The following TEP1 variants were observed in gnomAD, a reference collection of about 807,000 sequenced individuals.
TEP1 encodes telomerase associated protein 1, also known as telomerase protein component 1.
A neutral mutation model predicts 306.3 loss-of-function variants in TEP1; 241 were observed. The observed-to-expected ratio is 0.79, with a 90% CI of 0.71 to 0.88. The LOEUF is 0.88. Among genes scored for constraint, TEP1 ranks in the 40% least tolerant of loss-of-function variants. The pLI, the probability that TEP1 is intolerant of heterozygous loss-of-function variation, is 0.00. For synonymous variants in TEP1, 1,289 were observed against 1,305.5 expected (o/e 0.99, Z 0.27); for missense variants, 3,051 against 3,276.1 (o/e 0.93, Z 1.68).
At chr14:20,409,817 G>A (rs552019817) in intron 1 of TEP1, among the ~76,000 whole-genome samples, 7 of 151,786 alleles carry the variant, frequency 4.6e-5, no homozygotes, top group South Asian at 4.2e-4. Context: ...TCAGGAGATC[G>A]AGACCATCCT....
intron 8 of TEP1, 22 bp from the exon 9 acceptor site, chr14:20,401,163 G>T (rs770021599): frequency 6.2e-7 from 1 of 1,612,596 alleles, no homozygotes. Flanking sequence ...TAAGAAAGAG[G>T]TCTATCATTT....
At chr14:20,398,066 T>C (rs1258931602) in intron 9 of TEP1, among the ~76,000 whole-genome samples, 1 of 151,750 alleles carries the variant, frequency 6.6e-6, no homozygotes, top group Admixed American at 6.6e-5. Context: ...AGTTTCTTAA[T>C]AATAATATTT....
At chr14:20,369,917 A>AGTTT in intron 51 of TEP1, 138 bp from the exon 52 acceptor site, 1 of 589,372 alleles carries the variant, frequency 1.7e-6, no homozygotes, top group Non-Finnish European at 2.8e-6. Flanking sequence ...CAAGTGCGCA[A>AGTTT]ATTTTTTTTT....
chr14:20,368,634 C>T, intron 54 of TEP1, 75 bp from the exon 55 acceptor site: 1 of 1,592,452 alleles, frequency 6.3e-7, no homozygotes, highest in Non-Finnish European at 8.6e-7. Context: ...CACATTAATG[C>T]CTTTTATTTA....
chr14:20,378,708 G>A (rs1337040348), intron 37 of TEP1, 46 bp downstream of exon 37: 18 of 1,601,700 alleles, frequency 1.1e-5, no homozygotes, highest in Non-Finnish European at 1.5e-5. Context: ...ACGAGGGTGA[G>A]TCATGGCTCA....
intron 39 of TEP1, 35 bp downstream of exon 39, chr14:20,377,989 C>G: frequency 6.2e-7 from 1 of 1,608,248 alleles, no homozygotes; most frequent in Non-Finnish European, 8.5e-7. Context: ...TGCTACTCCT[C>G]CTCACAACCC....
chr14:20,403,988 G>C, intron 5 of TEP1, 104 bp from the exon 6 acceptor site: 1 of 1,471,550 alleles, frequency 6.8e-7, no homozygotes, highest in Non-Finnish European at 9.2e-7. Flanking sequence ...AGAGTAGCGA[G>C]CAAGTTCCCA....
intron 18 of TEP1, among the ~76,000 whole-genome samples, chr14:20,387,525 C>T (rs1877298728): frequency 7.4e-6 from 1 of 135,766 alleles, no homozygotes; most frequent in Non-Finnish European, 1.6e-5. Context: ...GTACCCCAGA[C>T]TGGGCGACAC....
At position 20,382,368 on chromosome 14, in the gene TEP1, G is replaced by A. The variant is rs1365284737; in HGVS notation, c.4141-12C>T. Reference sequence around the variant, plus strand: ...AGTCTCTCAGACACCTAGGATGGCGGGAGGACAGCCTTGTTCAGTGCAGTG... The same window carrying A: ...AGTCTCTCAGACACCTAGGATGGCGAGAGGACAGCCTTGTTCAGTGCAGTG... On this transcript the variant is annotated splice_polypyrimidine_tract_variant and intron_variant, in intron 28 of 54. Coordinates refer to ENST00000262715, the MANE Select transcript of TEP1 (RefSeq NM_007110.5). 6.2e-7 allele frequency: 1 copy of A among 1,600,396 alleles called. No individual in the cohort carries two copies. Among genetic ancestry groups the A allele is most frequent in the Non-Finnish European group, 8.5e-7 (1 of 1,173,280 alleles).
chr14:20,403,325 G>T (rs1878907929), intron 7 of TEP1, 52 bp downstream of exon 7: 2 of 1,599,360 alleles, frequency 1.3e-6, no homozygotes, highest in Admixed American at 3.5e-5. Flanking sequence ...GTAAATATTA[G>T]TCCAGAAGAG....
At chr14:20,397,838 CTGATTCCTGGAT>C (rs1201919350) in intron 9 of TEP1, among the ~76,000 whole-genome samples, 1 of 152,032 alleles carries the variant, frequency 6.6e-6, no homozygotes, top group Non-Finnish European at 1.5e-5. Context: ...ACTGCAACCT[CTGATTCCTGGAT>C]TCAAGCAATT....
At position 20,406,284 on chromosome 14, in the gene TEP1, T is replaced by C. The variant is rs761449081; in HGVS notation, c.684A>G (p.Gly228=). The part of the protein sequence containing the change: ...VEDLAVKLTS[G]DSESHPEPTD... Reference sequence around the variant, plus strand: ...TAGGCTCTGGATGAGATTCAGAGTCTCCAGAGGTGAGCTTCACGGCCAGAT... The same window carrying C: ...TAGGCTCTGGATGAGATTCAGAGTCCCCAGAGGTGAGCTTCACGGCCAGAT... The change falls in exon 3 of 55, where the codon GGA becomes GGG. Residue 228 remains glycine, a synonymous_variant. Transcript: ENST00000262715. 1.9e-5 allele frequency: 31 copies of C among 1,613,956 alleles called. No homozygotes were observed. The highest frequency in any genetic ancestry group is 2.6e-5 in the Non-Finnish European group (31 of 1,180,012).
Position 20,377,759 on chromosome 14 carries a change from A to T in TEP1, c.5722-6T>A. On this transcript the variant is annotated splice_region_variant and splice_polypyrimidine_tract_variant and intron_variant, in intron 39 of 54. Transcript: ENST00000262715. Reference sequence around the variant, plus strand: ...GACCCTGACCACACCTGAACCTGGGAACCAAGAAAAGGGCTTAAGGATACC... The same window carrying T: ...GACCCTGACCACACCTGAACCTGGGTACCAAGAAAAGGGCTTAAGGATACC... 6.2e-7 allele frequency: 1 copy of T among 1,612,888 alleles called. No homozygotes were observed. Among genetic ancestry groups the T allele is most frequent in the Non-Finnish European group, 8.5e-7 (1 of 1,179,782 alleles).
Position 20,369,480 on chromosome 14 carries a change from T to C in TEP1, c.7520A>G (p.Lys2507Arg). Reference sequence around the variant, plus strand: ...TTGGGTTTCTGGAGTGTTTGCTTTTTTCTGCCACATGTTACCTGTGGTCCA... The same window carrying C: ...TTGGGTTTCTGGAGTGTTTGCTTTTCTCTGCCACATGTTACCTGTGGTCCA... The part of the protein sequence containing the change: ...GEWTTGNMWQ[K>R]KANTPETQTP... Residue 2507 changes from lysine (K) to arginine (R), a missense_variant, in exon 53 of 55, where the codon AAA becomes AGA. Coordinates refer to ENST00000262715, the MANE Select transcript of TEP1 (RefSeq NM_007110.5). 6.2e-7 allele frequency: 1 copy of C among 1,614,184 alleles called. No homozygotes were observed.
Position 20,404,781 on chromosome 14 carries a change from C to G in TEP1, c.871-9G>C. On this transcript the variant is annotated splice_polypyrimidine_tract_variant and intron_variant, in intron 4 of 54. Transcript: ENST00000262715. ...CTGGCATACAAAGATGCCTAGGACACAGGGTGAGAGGACTAGAATCTCAGT... is the reference window on the plus strand; with the variant it reads ...CTGGCATACAAAGATGCCTAGGACAGAGGGTGAGAGGACTAGAATCTCAGT... The G allele has an allele frequency of 6.2e-7, 1 of 1,600,416 alleles. No homozygotes were observed. The highest frequency in any genetic ancestry group is 8.5e-7 in the Non-Finnish European group (1 of 1,172,742).
At chr14:20,391,820 AGAGGCAGACG>A in intron 12 of TEP1, 53 bp from the exon 13 acceptor site, 1 of 1,587,732 alleles carries the variant, frequency 6.3e-7, no homozygotes, top group South Asian at 1.1e-5. Flanking sequence ...TCTGCCCCTT[AGAGGCAGACG>A]GGGAGATGAG....
At position 20,371,287 on chromosome 14, in the gene TEP1, TATC is replaced by T; in HGVS notation, c.7245_7247del (p.Met2415del). Reference sequence around the variant, plus strand: ...TGCCATACTCCTTGTGGGTGGACAATATCATAGGATTTTCTGTATAGCTGCTCC... The same window carrying T: ...TGCCATACTCCTTGTGGGTGGACAATATAGGATTTTCTGTATAGCTGCTCC... On this transcript the variant is annotated inframe_deletion, in exon 51 of 55. Coordinates refer to ENST00000262715, the MANE Select transcript of TEP1 (RefSeq NM_007110.5). 6.2e-7 allele frequency: 1 copy of T among 1,614,154 alleles called. No individual in the cohort carries two copies. The highest frequency in any genetic ancestry group is 8.5e-7 in the Non-Finnish European group (1 of 1,180,030).
Position 20,368,271 on chromosome 14 carries a change from C to A in TEP1, c.*166G>T. On this transcript the variant is annotated 3_prime_UTR_variant, in exon 55 of 55. Transcript: ENST00000262715. ...CATACACATAGAATATCCTCCTGTT[C>A]TAAATCCACATGAGAACACAGGCAG... 2.9e-6 allele frequency: 2 copies of A among 691,724 alleles called. No individual in the cohort carries two copies. Among genetic ancestry groups the A allele is most frequent in the Non-Finnish European group, 4.5e-6 (2 of 442,554 alleles). 42.8% of individuals were successfully genotyped at this position (691,724 alleles called of 1,614,324 possible).
intron 11 of TEP1, 72 bp downstream of exon 11, chr14:20,395,787 A>C: frequency 6.5e-7 from 1 of 1,550,074 alleles, no homozygotes; most frequent in South Asian, 1.2e-5. Context: ...GAGGCTAAAA[A>C]TATTGGTGCT....
Sources: gnomAD v4.1 joint callset for allele counts (sites outside exome capture counted in the v4.1 genomes callset) on GRCh38, gnomAD v4.1.1 for gene constraint, MANE v1.5 for transcripts, NCBI Gene and HGNC (gene_info 2026-07-23, HGNC 2026-07-21) for gene names.